The following DMGDH variants were observed in gnomAD, a reference collection of about 807,000 sequenced individuals.
The protein encoded by DMGDH is dimethylglycine dehydrogenase.
In DMGDH, 76 loss-of-function variants were observed where a neutral mutation model predicts 95.2. The ratio of observed to expected loss-of-function variants is 0.80; its 90% CI spans 0.66 to 0.97. The LOEUF (loss-of-function observed/expected upper bound fraction) is 0.97, where lower values mean the gene tolerates loss of function less well. DMGDH is among the 50% of genes least tolerant of loss of function. DMGDH has a pLI of 0.00. For missense variants in DMGDH, 987 were observed against 1,055.0 expected (o/e 0.94, Z 0.89); for synonymous variants, 345 against 377.6 (o/e 0.91, Z 1.00).
At chr5:79,006,863 T>C (rs528459495) in intron 14 of DMGDH, among the ~76,000 whole-genome samples, 2 of 129,048 alleles carry the variant, frequency 1.5e-5, no homozygotes, top group African/African-American at 2.9e-5. Context: ...AGTCCATTCC[T>C]TTCCTAGTTT....
At chr5:79,011,521 G>A (rs950093269) in intron 14 of DMGDH, among the ~76,000 whole-genome samples, 1 of 152,320 alleles carries the variant, frequency 6.6e-6, no homozygotes, top group Non-Finnish European at 1.5e-5. Context: ...AATATTCCCT[G>A]TATTAGTCTG....
chr5:79,009,666 C>T (rs927076468), intron 14 of DMGDH, among the ~76,000 whole-genome samples: 1 of 152,174 alleles, frequency 6.6e-6, no homozygotes, highest in Non-Finnish European at 1.5e-5. Context: ...CCGCACCCAG[C>T]TGGAACACTT....
At chr5:79,068,824 C>T (rs1755456836) in intron 1 of DMGDH, among the ~76,000 whole-genome samples, 1 of 152,160 alleles carries the variant, frequency 6.6e-6, no homozygotes, top group Non-Finnish European at 1.5e-5. Flanking sequence ...GCAAAGATAA[C>T]AAAATGGGCT....
chr5:79,054,315 G>T lies in DMGDH; in HGVS notation c.409C>A (p.Leu137Ile), dbSNP rs998937375. Residue 137 changes from leucine (L) to isoleucine (I), a missense_variant, in exon 4 of 16, where the codon CTT becomes ATT. Coordinates refer to ENST00000255189, the MANE Select transcript of DMGDH (RefSeq NM_013391.3). ...VGFHQPGSIR[L>I]ATTPVRVDEF... is the part of the protein sequence containing the mutation. The stretch of plus-strand genomic sequence containing the variant: ...TCTACCCTTACAGGGGTGGTAGCAA[G>T]TCTGATACTACCTGGCTGATGGAAT... 2 of 1,613,910 alleles carry T rather than the reference G, an allele frequency of 1.2e-6. No homozygotes were observed. Among genetic ancestry groups the T allele is most frequent in the African/African-American group, 2.7e-5 (2 of 74,900 alleles).
At chr5:79,039,002 A>T (rs1261178456) in intron 7 of DMGDH, among the ~76,000 whole-genome samples, 1 of 151,452 alleles carries the variant, frequency 6.6e-6, no homozygotes, top group Non-Finnish European at 1.5e-5. Flanking sequence ...TCAAAACCAC[A>T]ATGAGATACC....
rs1279476004 is a variant in DMGDH, at chr5:79,063,878, TACTTAAC to T, written c.102-98_102-92del. On this transcript the variant is annotated intron_variant, in intron 1 of 15. Transcript: ENST00000255189. ...CACTTCCCCTTACCCGTTTCTCTAG[TACTTAAC>T]ACCCACTGACTGAGATTTGCATGAT... 6 of 1,280,150 alleles carry T rather than the reference TACTTAAC, an allele frequency of 4.7e-6. No individual in the cohort carries two copies. The African/African-American group carries it at 8.8e-5, about 19-fold the overall frequency. The allele number at this position is 1,280,150 out of a possible 1,614,324, so 79.3% of individuals were successfully genotyped here.
chr5:79,012,956 T>G (rs187013749), intron 14 of DMGDH, among the ~76,000 whole-genome samples: 1 of 152,356 alleles, frequency 6.6e-6, no homozygotes, highest in Admixed American at 6.5e-5. Flanking sequence ...TTCCCCAGTG[T>G]TTTGGTTATC....
intron 15 of DMGDH, 125 bp from the exon 16 acceptor site, chr5:78,998,422 G>A (rs1320941333): frequency 2.3e-6 from 2 of 870,742 alleles, no homozygotes; most frequent in African/African-American, 1.7e-5. Context: ...AGTGCTGTCT[G>A]GGGGGACAAC....
At chr5:79,019,317 A>G (rs1412140157) in intron 14 of DMGDH, among the ~76,000 whole-genome samples, 1 of 152,186 alleles carries the variant, frequency 6.6e-6, no homozygotes. Context: ...TAGATCTATT[A>G]ATTTACATCC....
At chr5:79,008,431 C>T (rs536209391) in intron 14 of DMGDH, among the ~76,000 whole-genome samples, 4 of 152,182 alleles carry the variant, frequency 2.6e-5, no homozygotes, top group African/African-American at 9.7e-5. Flanking sequence ...CAGTCAAAGA[C>T]AGGCAATCAA....
At chr5:79,015,491 C>A (rs1352323849) in intron 14 of DMGDH, among the ~76,000 whole-genome samples, 1 of 152,150 alleles carries the variant, frequency 6.6e-6, no homozygotes, top group East Asian at 1.9e-4. Context: ...GCACATGAGA[C>A]TCTTCATAAT....
chr5:79,024,175 A>G, intron 14 of DMGDH, 96 bp downstream of exon 14: 1 of 1,083,536 alleles, frequency 9.2e-7, no homozygotes, highest in Non-Finnish European at 1.4e-6. Context: ...TTCTCCTATA[A>G]TCCATACTTG....
At chr5:79,051,077 T>G (rs1754838665) in intron 5 of DMGDH, among the ~76,000 whole-genome samples, 1 of 151,958 alleles carries the variant, frequency 6.6e-6, no homozygotes. Context: ...ATAAGCAACT[T>G]TTTTTGGATA....
intron 7 of DMGDH, among the ~76,000 whole-genome samples, chr5:79,034,954 G>A (rs1754299605): frequency 6.6e-6 from 1 of 150,622 alleles, no homozygotes; most frequent in Admixed American, 6.7e-5. Context: ...CTACTTGGGA[G>A]GCTGAGGCAG....
chr5:79,045,393 G>A (rs926160364), intron 5 of DMGDH, among the ~76,000 whole-genome samples: 2 of 152,098 alleles, frequency 1.3e-5, no homozygotes, highest in African/African-American at 4.8e-5. Flanking sequence ...TGGATAATTT[G>A]TGGCTGAAAG....
chr5:79,022,664 G>A lies in DMGDH; in HGVS notation c.2250+1607C>T, dbSNP rs187606404. 1.8e-4 allele frequency among the ~76,000 whole-genome samples: 27 copies of A among 152,292 alleles called. No individual in the cohort carries two copies. In the East Asian group the frequency reaches 5.2e-3, roughly 29 times the overall value. On this transcript the variant is annotated intron_variant, in intron 14 of 15. Transcript: ENST00000255189. Reference sequence around the variant, plus strand: ...TTCTAAACAACTAACTACGTTCTGAGATGAGCTTTGGTTATTTGGCTGTAT... The same window carrying A: ...TTCTAAACAACTAACTACGTTCTGAAATGAGCTTTGGTTATTTGGCTGTAT...
chr5:79,051,485 C>A lies in DMGDH; in HGVS notation c.547G>T (p.Ala183Ser). The change falls in exon 5 of 16, where the codon GCT (alanine) becomes TCT (serine). Residue 183 changes from alanine to serine, a missense_variant. Physicochemically the swap from Ala to Ser is moderately conservative, Grantham distance 99. Transcript: ENST00000255189. Reference protein sequence around the residue: ...FPLLNMNKVLAGLYNPGDGHI... With the variant: ...FPLLNMNKVLSGLYNPGDGHI... ...CCATCTCCAGGATTATACAATCCAGCTAAAACCTAAATCAATCATACCAGA... is the reference window on the plus strand; with the variant it reads ...CCATCTCCAGGATTATACAATCCAGATAAAACCTAAATCAATCATACCAGA... The A allele has an allele frequency of 6.2e-7, 1 of 1,613,942 alleles. No homozygotes were observed. The highest frequency in any genetic ancestry group is 8.5e-7 in the Non-Finnish European group (1 of 1,179,880).
chr5:79,044,997 T>TA (rs1005081587), intron 5 of DMGDH, among the ~76,000 whole-genome samples: 36 of 152,114 alleles, frequency 2.4e-4, no homozygotes, highest in African/African-American at 7.2e-4. Context: ...CATAATGATA[T>TA]ACCTAAGAAA....
intron 2 of DMGDH, among the ~76,000 whole-genome samples, chr5:79,062,563 G>GA (rs1755241384): frequency 6.6e-6 from 1 of 152,006 alleles, no homozygotes; most frequent in Non-Finnish European, 1.5e-5. Context: ...ATCCCTAAAT[G>GA]ATGTCAGAAA....
Sources: allele counts gnomAD v4.1 joint callset (sites outside exome capture counted in the v4.1 genomes callset), GRCh38; gene constraint gnomAD v4.1.1; transcripts MANE v1.5; gene names NCBI Gene and HGNC (gene_info 2026-07-23, HGNC 2026-07-21).